The following SCUBE1 variants were observed in gnomAD, a reference collection of about 807,000 sequenced individuals.
The protein encoded by SCUBE1 is signal peptide, CUB domain and EGF like domain containing 1.
SCUBE1 carries 59 observed loss-of-function variants against 124.4 expected under a neutral mutation model. The observed-to-expected ratio is 0.47, with a 90% CI of 0.38 to 0.59. The LOEUF (loss-of-function observed/expected upper bound fraction) is 0.59, where lower values mean the gene tolerates loss of function less well. SCUBE1 is among the 20% of genes least tolerant of loss of function. The probability of loss-of-function intolerance (pLI) is 0.00; values close to 1 mark genes in which losing one functional copy is unlikely to be tolerated. For synonymous variants in SCUBE1, 545 were observed against 550.9 expected, an observed-to-expected ratio of 0.99 and a Z score of 0.15; for missense variants, 1,150 against 1,371.2, an observed-to-expected ratio of 0.84 and a Z score of 2.55.
chr22:43,318,878 C>T (rs1282898950), intron 3 of SCUBE1, among the ~76,000 whole-genome samples: 4 of 152,034 alleles, frequency 2.6e-5, no homozygotes, highest in African/African-American at 9.7e-5. Flanking sequence ...TACAGGCATG[C>T]GCCCAACTAA....
intron 3 of SCUBE1, among the ~76,000 whole-genome samples, chr22:43,294,312 C>T (rs1469905949): frequency 3.3e-5 from 5 of 152,210 alleles, no homozygotes; most frequent in African/African-American, 9.6e-5. Context: ...GCCTCTTGCA[C>T]CCCTGTGTCT....
intron 7 of SCUBE1, among the ~76,000 whole-genome samples, chr22:43,233,208 T>C (rs1922625545): frequency 6.6e-6 from 1 of 151,804 alleles, no homozygotes; most frequent in South Asian, 2.1e-4. Flanking sequence ...CTACTAAAAA[T>C]ACAAAATTAG....
At chr22:43,298,206 G>T (rs1925635722) in intron 3 of SCUBE1, among the ~76,000 whole-genome samples, 1 of 152,232 alleles carries the variant, frequency 6.6e-6, no homozygotes. Flanking sequence ...GAGCTTTGGG[G>T]CCTGGGTTCT....
At chr22:43,286,031 G>A (rs1258401197) in intron 4 of SCUBE1, among the ~76,000 whole-genome samples, 1 of 152,158 alleles carries the variant, frequency 6.6e-6, no homozygotes, top group Non-Finnish European at 1.5e-5. Flanking sequence ...GCACGTGTCA[G>A]CAGAGCCTCG....
intron 3 of SCUBE1, among the ~76,000 whole-genome samples, chr22:43,299,424 T>A (rs560474344): frequency 1.2e-3 from 178 of 152,290 alleles, no homozygotes; most frequent in Middle Eastern, 0.01. Flanking sequence ...GTGAAGCCGC[T>A]CGGCTCCTGA....
At chr22:43,262,561 T>C (rs1923910476) in intron 5 of SCUBE1, among the ~76,000 whole-genome samples, 159 bp downstream of exon 5, 1 of 152,162 alleles carries the variant, frequency 6.6e-6, no homozygotes, top group African/African-American at 2.4e-5. Flanking sequence ...CCTTGTCCCT[T>C]ATGCCCTATC....
chr22:43,228,201 G>C (rs1378550539), intron 9 of SCUBE1, among the ~76,000 whole-genome samples: 2 of 152,200 alleles, frequency 1.3e-5, no homozygotes, highest in Non-Finnish European at 2.9e-5. Flanking sequence ...AAAAGGAAGA[G>C]AGAGGGGGAC....
chr22:43,281,773 T>C (rs1924922385), intron 4 of SCUBE1, among the ~76,000 whole-genome samples: 1 of 152,212 alleles, frequency 6.6e-6, no homozygotes, highest in Non-Finnish European at 1.5e-5. Flanking sequence ...CTGAGGCAAG[T>C]GTGATCTTCC....
intron 3 of SCUBE1, among the ~76,000 whole-genome samples, chr22:43,310,501 G>C (rs1465032374): frequency 6.6e-6 from 1 of 152,194 alleles, no homozygotes; most frequent in Non-Finnish European, 1.5e-5. Context: ...ACCACCACCA[G>C]CTGTGAGCAA....
Position 43,204,104 on chromosome 22 carries a change from G to C in SCUBE1, c.2860C>G (p.Gln954Glu), listed in dbSNP as rs748799842. The change falls in exon 22 of 22, where the codon CAG (glutamine) becomes GAG (glutamate). Residue 954 changes from glutamine (Q) to glutamate (E), a missense_variant. Physicochemically the swap from Gln to Glu is conservative, Grantham distance 29. Around this residue, in one of 3 missense-constraint regions of SCUBE1, gnomAD observed 757 missense variants for 840.9 expected, o/e 0.90. Coordinates refer to ENST00000360835, the MANE Select transcript of SCUBE1 (RefSeq NM_173050.5). Reference protein sequence around the residue: ...KALFDVLAHPQNYFKYTAQES... With the variant: ...KALFDVLAHPENYFKYTAQES... ...TGGGCTGTGTACTTGAAGTAGTTCT[G>C]GGGATGCGCCAGCACGTCGAAGAGG... The C allele has an allele frequency of 6.2e-7, 1 of 1,614,044 alleles. No homozygotes were observed. The highest frequency in any genetic ancestry group is 1.1e-5 in the South Asian group (1 of 91,078).
rs150662933 is a variant in SCUBE1, at chr22:43,201,714, C to A, written c.*2283G>T. 1 of 152,122 alleles carries A rather than the reference C, an allele frequency of 6.6e-6. No individual in the cohort carries two copies. Among genetic ancestry groups the A allele is most frequent in the Admixed American group, 6.5e-5 (1 of 15,278 alleles). The allele number at this position is 152,122 out of a possible 1,614,324, so 9.4% of individuals were successfully genotyped here. On this transcript the variant is annotated 3_prime_UTR_variant, in exon 22 of 22. Coordinates refer to ENST00000360835, the MANE Select transcript of SCUBE1 (RefSeq NM_173050.5). Reference sequence around the variant, plus strand: ...GGTCTCCCAATCGCAGACAGCCGATCGTGGGACTTGTTGGCCTCCAGAATC... The same window carrying A: ...GGTCTCCCAATCGCAGACAGCCGATAGTGGGACTTGTTGGCCTCCAGAATC...
intron 15 of SCUBE1, among the ~76,000 whole-genome samples, chr22:43,215,958 C>T (rs1921792894): frequency 6.6e-6 from 1 of 152,116 alleles, no homozygotes; most frequent in African/African-American, 2.4e-5. Flanking sequence ...GTCAAATGTG[C>T]ACAATTGGGG....
At chr22:43,299,255 G>A (rs1320527839) in intron 3 of SCUBE1, among the ~76,000 whole-genome samples, 1 of 152,204 alleles carries the variant, frequency 6.6e-6, no homozygotes, top group African/African-American at 2.4e-5. Context: ...CCACCACCGA[G>A]TGTGAGCAGG....
chr22:43,203,931 C>T lies in SCUBE1; in HGVS notation c.*66G>A. The T allele has an allele frequency of 1.3e-6, 2 of 1,546,646 alleles. No homozygotes were observed. The highest frequency in any genetic ancestry group is 1.8e-6 in the Non-Finnish European group (2 of 1,125,582). ...GGTGGTGTGGAGGCCCATGCAGCTC[C>T]CACTGTGGAGGGCAGGTGCACCCTC... On this transcript the variant is annotated 3_prime_UTR_variant, in exon 22 of 22. Transcript: ENST00000360835.
chr22:43,224,975 A>G (rs1340406463), intron 10 of SCUBE1, among the ~76,000 whole-genome samples: 2 of 152,226 alleles, frequency 1.3e-5, no homozygotes, highest in Admixed American at 6.5e-5. Context: ...CCAGCTTAGA[A>G]TAACGTTGGT....
At chr22:43,207,758 T>C (rs1921352038) in intron 20 of SCUBE1, 145 bp from the exon 21 acceptor site, 1 of 720,916 alleles carries the variant, frequency 1.4e-6, no homozygotes, top group Non-Finnish European at 2.4e-6. Flanking sequence ...CTCTGTGCCT[T>C]TGAACCTGGG....
At chr22:43,214,898 C>T (rs11912292) in intron 15 of SCUBE1, among the ~76,000 whole-genome samples, 5,470 of 151,900 alleles carry the variant, frequency 0.036, 333 homozygotes, top group African/African-American at 0.12. Context: ...CTTACAAATG[C>T]GGAAATGGGG....
chr22:43,247,106 A>G (rs757086775), intron 6 of SCUBE1, among the ~76,000 whole-genome samples: 3 of 152,210 alleles, frequency 2.0e-5, no homozygotes, highest in Admixed American at 6.5e-5. Context: ...GGGACTTGCC[A>G]TCAAGCTTTT....
intron 2 of SCUBE1, among the ~76,000 whole-genome samples, chr22:43,336,482 C>T (rs550277687): frequency 3.3e-5 from 5 of 152,320 alleles, no homozygotes; most frequent in South Asian, 2.1e-4. Flanking sequence ...CCAGGCCCTG[C>T]CCCGTGAGCT....
Sources: allele counts gnomAD v4.1 joint callset (sites outside exome capture counted in the v4.1 genomes callset), GRCh38; gene constraint gnomAD v4.1.1; regional missense constraint gnomAD v4.1.1; transcripts MANE v1.5; gene names NCBI Gene and HGNC (gene_info 2026-07-23, HGNC 2026-07-21).